Variants in SUGCT observed in about 807,000 individuals in gnomAD.
SUGCT encodes the protein succinyl-CoA:glutarate-CoA transferase.
In SUGCT, 41 loss-of-function variants were observed where a neutral mutation model predicts 55.0. The observed-to-expected ratio is 0.74, with a 90% CI of 0.58 to 0.97. The LOEUF is 0.97. Among genes scored for constraint, SUGCT ranks in the 50% least tolerant of loss-of-function variants. The pLI, the probability that SUGCT is intolerant of heterozygous loss-of-function variation, is 0.00. For missense variants in SUGCT, 568 were observed against 547.8 expected, an observed-to-expected ratio of 1.04 and a Z score of -0.37; for synonymous variants, 187 against 200.4, an observed-to-expected ratio of 0.93 and a Z score of 0.56.
chr7:40,407,902 C>T (rs1202712124), intron 9 of SUGCT, among the ~76,000 whole-genome samples: 2 of 152,108 alleles, frequency 1.3e-5, no homozygotes, highest in African/African-American at 2.4e-5. Flanking sequence ...AACTACCTTA[C>T]CCCTGAGTTC....
the SUGCT span, among the ~76,000 whole-genome samples, chr7:40,913,518 TAGAA>T: frequency 1.3e-5 from 2 of 152,224 alleles, no homozygotes; most frequent in Non-Finnish European, 2.9e-5. Flanking sequence ...TTTTTGCTTT[TAGAA>T]AGAAATTCCA....
At chr7:41,002,707 A>G in the SUGCT span, among the ~76,000 whole-genome samples, 1 of 152,226 alleles carries the variant, frequency 6.6e-6, no homozygotes, top group Non-Finnish European at 1.5e-5. Context: ...GCTGGCATGT[A>G]TTTAATGCTT....
In SUGCT at chr7:40,575,246, G is replaced by T. The variant is rs184183032; in HGVS notation, c.1089+78860G>T. 1.0e-3 allele frequency among the ~76,000 whole-genome samples: 159 copies of T among 152,048 alleles called. 1 individual carries two copies. The highest frequency in any genetic ancestry group is 3.0e-3 in the Admixed American group (46 of 15,276). On this transcript the variant is annotated intron_variant, in intron 12 of 13. Coordinates refer to ENST00000335693, the MANE Select transcript of SUGCT (RefSeq NM_001193313.2). ...AAAGTGTTATACTTTTTAAAGAAGA[G>T]GACTTAGGCCCCTTCAGCTCTCTGT... is the stretch of plus-strand genomic sequence containing the variant.
At chr7:40,341,363 T>A (rs1797032032) in intron 9 of SUGCT, among the ~76,000 whole-genome samples, 1 of 152,100 alleles carries the variant, frequency 6.6e-6, no homozygotes, top group Admixed American at 6.5e-5. Context: ...TATTCCAAAT[T>A]GTGTTACCAT....
At chr7:40,753,895 T>A (rs1025981755) in intron 13 of SUGCT, among the ~76,000 whole-genome samples, 5 of 152,228 alleles carry the variant, frequency 3.3e-5, no homozygotes, top group African/African-American at 1.2e-4. Flanking sequence ...TCAATCTTTG[T>A]AATCATTACC....
At chr7:40,569,634 T>G (rs1033400664) in intron 12 of SUGCT, among the ~76,000 whole-genome samples, 3 of 152,098 alleles carry the variant, frequency 2.0e-5, no homozygotes, top group African/African-American at 7.2e-5. Context: ...GACTGACAGA[T>G]CATTGAGAAA....
chr7:40,463,984 C>T lies in SUGCT; in HGVS notation c.986+4786C>T, dbSNP rs538881426. 3.2e-4 allele frequency among the ~76,000 whole-genome samples: 48 copies of T among 152,256 alleles called. No individual in the cohort carries two copies. The South Asian group carries it at 6.0e-3, about 19-fold the overall frequency. ...AACAAACTCTTAAACCTGTGCTACT[C>T]ACACACCAGATCAGCATTTTTGCAA... On this transcript the variant is annotated intron_variant, in intron 11 of 13. Coordinates refer to ENST00000335693, the MANE Select transcript of SUGCT (RefSeq NM_001193313.2).
intron 9 of SUGCT, among the ~76,000 whole-genome samples, chr7:40,416,308 A>G (rs950214837): frequency 2.0e-5 from 3 of 151,860 alleles, no homozygotes; most frequent in Admixed American, 6.6e-5. Context: ...CTTTATTACT[A>G]TAATTATTAA....
At chr7:40,629,656 C>A (rs1291736084) in intron 12 of SUGCT, among the ~76,000 whole-genome samples, 1 of 151,882 alleles carries the variant, frequency 6.6e-6, no homozygotes, top group Non-Finnish European at 1.5e-5. Context: ...TGAGAAGGGG[C>A]CAGGGAAAGT....
intron 1 of SUGCT, among the ~76,000 whole-genome samples, chr7:40,173,785 G>A (rs907790818): frequency 6.6e-6 from 1 of 151,228 alleles, no homozygotes; most frequent in Admixed American, 6.6e-5. Context: ...GTATACATCT[G>A]TCAAAATTTA....
intron 1 of SUGCT, among the ~76,000 whole-genome samples, chr7:40,178,538 A>C (rs1356524125): frequency 2.0e-5 from 3 of 151,970 alleles, no homozygotes; most frequent in Non-Finnish European, 2.9e-5. Flanking sequence ...TTCTCCCCTC[A>C]GAATTTTAAG....
At chr7:41,001,036 G>A in the SUGCT span, among the ~76,000 whole-genome samples, 7 of 152,152 alleles carry the variant, frequency 4.6e-5, no homozygotes, top group African/African-American at 1.4e-4. Flanking sequence ...ATATCCATGT[G>A]GAGATGACAG....
intron 13 of SUGCT, among the ~76,000 whole-genome samples, chr7:40,841,525 C>T (rs563451370): frequency 2.7e-4 from 41 of 152,238 alleles, no homozygotes; most frequent in African/African-American, 9.1e-4. Flanking sequence ...CATGCTCAAA[C>T]ACAGAACAAG....
At chr7:40,953,439 T>C in the SUGCT span, among the ~76,000 whole-genome samples, 6 of 152,244 alleles carry the variant, frequency 3.9e-5, no homozygotes, top group Admixed American at 3.3e-4. Context: ...TCTGAAGCCT[T>C]CTTCTTTCAA....
chr7:40,959,049 A>C, the SUGCT span, among the ~76,000 whole-genome samples: 1 of 152,182 alleles, frequency 6.6e-6, no homozygotes, highest in African/African-American at 2.4e-5. Context: ...GCTTCATCCC[A>C]GAGGGGCACC....
chr7:40,847,418 T>C (rs1479760643), intron 13 of SUGCT, among the ~76,000 whole-genome samples: 1 of 138,176 alleles, frequency 7.2e-6, no homozygotes, highest in African/African-American at 2.7e-5. Context: ...TTTCTTTTTT[T>C]TTTTTTTTTT....
chr7:40,698,180 C>A (rs1248650960), intron 12 of SUGCT, among the ~76,000 whole-genome samples: 1 of 152,102 alleles, frequency 6.6e-6, no homozygotes, highest in Non-Finnish European at 1.5e-5. Context: ...CAGGTGACAG[C>A]AATGTGAAGG....
chr7:40,972,775 G>A, the SUGCT span, among the ~76,000 whole-genome samples: 9 of 152,148 alleles, frequency 5.9e-5, no homozygotes, highest in African/African-American at 1.9e-4. Flanking sequence ...CCAACAATAA[G>A]CATCCTTGCC....
intron 12 of SUGCT, among the ~76,000 whole-genome samples, chr7:40,732,840 A>G (rs938488681): frequency 6.6e-6 from 1 of 152,180 alleles, no homozygotes; most frequent in African/African-American, 2.4e-5. Flanking sequence ...CTGTAATCCC[A>G]GCGCTTTGGG....
Sources: gnomAD v4.1 joint callset for allele counts (sites outside exome capture counted in the v4.1 genomes callset) on GRCh38, gnomAD v4.1.1 for gene constraint, MANE v1.5 for transcripts, NCBI Gene and HGNC (gene_info 2026-07-23, HGNC 2026-07-21) for gene names.